The following NINJ2 variants were observed in gnomAD, a reference collection of about 807,000 sequenced individuals.
NINJ2 encodes ninjurin-2.
NINJ2 carries 12 observed loss-of-function variants against 11.7 expected under a neutral mutation model. The observed-to-expected ratio is 1.02, with a 90% CI of 0.66 to 1.66. The LOEUF (loss-of-function observed/expected upper bound fraction) is 1.66, where lower values mean the gene tolerates loss of function less well. Ranked by LOEUF, NINJ2 falls within the 40% of genes most tolerant of loss-of-function variation. The pLI is 0.00. For synonymous variants in NINJ2, 93 were observed against 76.8 expected (o/e 1.21, Z -1.10); for missense variants, 187 against 181.8 (o/e 1.03, Z -0.16).
At chr12:658,708 ATGCTATGCTATGCTATGCT>A (rs1937910913) in intron 1 of NINJ2, among the ~76,000 whole-genome samples, 4 of 84,162 alleles carry the variant, frequency 4.8e-5, no homozygotes, top group African/African-American at 8.8e-5. Context: ...ATGCTATGCT[ATGCTATGCTATGCTATGCT>A]AATGCTATGC....
intron 1 of NINJ2, among the ~76,000 whole-genome samples, chr12:595,999 A>G (rs966943303): frequency 2.5e-4 from 38 of 152,210 alleles, no homozygotes; most frequent in Admixed American, 1.3e-4. Context: ...CAAAATCCAG[A>G]ACACTGACAA....
chr12:661,871 C>G (rs992159878), intron 1 of NINJ2, among the ~76,000 whole-genome samples: 4 of 152,182 alleles, frequency 2.6e-5, no homozygotes, highest in African/African-American at 9.7e-5. Context: ...CAAATGTTTT[C>G]TAAAGCAATG....
At chr12:599,097 C>T (rs116280078) in intron 1 of NINJ2, among the ~76,000 whole-genome samples, 3,048 of 151,922 alleles carry the variant, frequency 0.02, 111 homozygotes, top group African/African-American at 0.068. Context: ...GGAAAGTATT[C>T]CAGGCCGGGT....
At chr12:595,282 T>C (rs988674090) in intron 1 of NINJ2, among the ~76,000 whole-genome samples, 1 of 152,174 alleles carries the variant, frequency 6.6e-6, no homozygotes, top group African/African-American at 2.4e-5. Context: ...TAACGTAACA[T>C]AGGATAGGAT....
chr12:640,275 A>G lies in NINJ2; in HGVS notation c.33+23053T>C, dbSNP rs534127551. 9.2e-5 allele frequency among the ~76,000 whole-genome samples: 14 copies of G among 152,304 alleles called. No homozygotes were observed. The highest frequency in any genetic ancestry group is 3.1e-4 in the African/African-American group (13 of 41,562). Reference sequence around the variant, plus strand: ...GCATCTTAGAATCAGAAGTTTCCAAACTTGGAGGCAGTTTAAGAACCATCA... The same window carrying G: ...GCATCTTAGAATCAGAAGTTTCCAAGCTTGGAGGCAGTTTAAGAACCATCA... On this transcript the variant is annotated intron_variant, in intron 1 of 3. Coordinates refer to ENST00000305108, the MANE Select transcript of NINJ2 (RefSeq NM_016533.6). The surrounding 1 kb of genome is among the most constrained non-coding windows in gnomAD (Gnocchi z 4.0).
At chr12:611,273 C>CTT (rs1314681149) in intron 1 of NINJ2, among the ~76,000 whole-genome samples, 1 of 145,908 alleles carries the variant, frequency 6.9e-6, no homozygotes, top group Non-Finnish European at 1.5e-5. Context: ...TTCTTTCTTT[C>CTT]TCTCTCTCTT....
Position 633,726 on chromosome 12 carries a change from A to C in NINJ2, c.33+29602T>G, listed in dbSNP as rs887387731. Among the ~76,000 whole-genome samples, 3 of 152,050 alleles carry C rather than the reference A, an allele frequency of 2.0e-5. No homozygotes were observed. Among genetic ancestry groups the C allele is most frequent in the Non-Finnish European group, 2.9e-5 (2 of 67,998 alleles). On this transcript the variant is annotated intron_variant, in intron 1 of 3. Transcript: ENST00000305108. The surrounding 1 kb of genome is among the most constrained non-coding windows in gnomAD (Gnocchi z 4.3). ...GCTACTCAGGAGGCTGAGGCAGGAGAATCATTTGAACCCAGGAGGTGGAGG... is the reference window on the plus strand; with the variant it reads ...GCTACTCAGGAGGCTGAGGCAGGAGCATCATTTGAACCCAGGAGGTGGAGG...
At chr12:622,539 A>C (rs919703867) in intron 1 of NINJ2, among the ~76,000 whole-genome samples, 4 of 152,062 alleles carry the variant, frequency 2.6e-5, no homozygotes, top group African/African-American at 9.7e-5. Flanking sequence ...CTTTTTAAGA[A>C]ATGCTTGCCA....
At chr12:602,068 C>T (rs1247801867) in intron 1 of NINJ2, among the ~76,000 whole-genome samples, 2 of 152,118 alleles carry the variant, frequency 1.3e-5, no homozygotes, top group Non-Finnish European at 2.9e-5. Flanking sequence ...ACGCAATGTC[C>T]CGTGTGGTGA....
intron 1 of NINJ2, among the ~76,000 whole-genome samples, chr12:625,308 C>A (rs2120400564): frequency 6.6e-6 from 1 of 151,982 alleles, no homozygotes; most frequent in Non-Finnish European, 1.5e-5. Flanking sequence ...TGCAGACTAG[C>A]AAATAGTTCT....
Position 628,369 on chromosome 12 carries a change from G to C in NINJ2, c.33+34959C>G, listed in dbSNP as rs1336902794. ...ACATAGGAAGGAGCCAGGTCTTTCC[G>C]TTCTTCTGCGTCTCCTCACAGCGTC... On this transcript the variant is annotated intron_variant, in intron 1 of 3. Transcript: ENST00000305108. The surrounding 1 kb of genome is among the most constrained non-coding windows in gnomAD (Gnocchi z 4.4). Among the ~76,000 whole-genome samples, 1 of 152,082 alleles carries C rather than the reference G, an allele frequency of 6.6e-6. No homozygotes were observed. Among genetic ancestry groups the C allele is most frequent in the Admixed American group, 6.5e-5 (1 of 15,282 alleles).
chr12:611,366 C>A (rs1395722215), intron 1 of NINJ2, among the ~76,000 whole-genome samples: 1 of 144,128 alleles, frequency 6.9e-6, no homozygotes, highest in Non-Finnish European at 1.5e-5. Flanking sequence ...TTCTTTTTGT[C>A]TTGCTCTGTC....
At chr12:631,521 G>A (rs1247470610) in intron 1 of NINJ2, among the ~76,000 whole-genome samples, 1 of 152,036 alleles carries the variant, frequency 6.6e-6, no homozygotes, top group Non-Finnish European at 1.5e-5. Context: ...GCGCCACCAC[G>A]CCCAGCTAAT....
intron 1 of NINJ2, among the ~76,000 whole-genome samples, chr12:596,584 C>G (rs1453773501): frequency 1.3e-5 from 2 of 151,980 alleles, no homozygotes; most frequent in Non-Finnish European, 2.9e-5. Flanking sequence ...AACAATAAAA[C>G]CAAAGACAAG....
intron 1 of NINJ2, among the ~76,000 whole-genome samples, chr12:596,448 G>T (rs1947787350): frequency 1.3e-5 from 2 of 152,182 alleles, no homozygotes; most frequent in Admixed American, 1.3e-4. Flanking sequence ...GATAATGGGG[G>T]CGGCTGTGCG....
rs58255301 is a variant in NINJ2 at position 649,531 on chromosome 12, GTATATATA to G, written c.33+13789_33+13796del. On this transcript the variant is annotated intron_variant, in intron 1 of 3. Coordinates refer to ENST00000305108, the MANE Select transcript of NINJ2 (RefSeq NM_016533.6). ...AGTGAATATGTGTGTGTGTATATGTGTATATATATATATATATATATAGTAGCCCATGA... is the reference window on the plus strand; with the variant it reads ...AGTGAATATGTGTGTGTGTATATGTGTATATATATATATAGTAGCCCATGA... Among the ~76,000 whole-genome samples, 7 of 127,696 alleles carry G rather than the reference GTATATATA, an allele frequency of 5.5e-5. No individual in the cohort carries two copies. In the East Asian group the frequency reaches 7.6e-4, roughly 14 times the overall value. The allele number at this position is 127,696 out of a possible 152,430, so 83.8% of individuals were successfully genotyped here.
chr12:638,636 T>C (rs1270649412), intron 1 of NINJ2, among the ~76,000 whole-genome samples: 10 of 152,322 alleles, frequency 6.6e-5, no homozygotes, highest in South Asian at 6.2e-4. Context: ...ATGATGGTCT[T>C]GATGTCCTGA....
intron 1 of NINJ2, among the ~76,000 whole-genome samples, chr12:609,792 G>GGA (rs1565634150): frequency 2.4e-5 from 3 of 123,978 alleles, no homozygotes; most frequent in Non-Finnish European, 3.4e-5. Flanking sequence ...AAAAAATAGG[G>GGA]AAAACAACAA....
At position 618,206 on chromosome 12, in the gene NINJ2, G is replaced by A. The variant is rs569210446; in HGVS notation, c.33+45122C>T. On this transcript the variant is annotated intron_variant, in intron 1 of 3. Coordinates refer to ENST00000305108, the MANE Select transcript of NINJ2 (RefSeq NM_016533.6). ...TGGTTAAAAGTCCCGTGGAGAGTTG[G>A]TAATGAGGAGGTGGGGGTGAGGAGT... Among the ~76,000 whole-genome samples, 4 of 148,258 alleles carry A rather than the reference G, an allele frequency of 2.7e-5. No homozygotes were observed. The East Asian group carries it at 8.0e-4, about 30-fold the overall frequency.
Sources: gnomAD v4.1 joint callset for allele counts (sites outside exome capture counted in the v4.1 genomes callset) on GRCh38, gnomAD v4.1.1 for gene constraint, Gnocchi (gnomAD v3.1) non-coding constraint, MANE v1.5 for transcripts, NCBI Gene and HGNC (gene_info 2026-07-23, HGNC 2026-07-21) for gene names.